NAF1: variants seen among roughly 807,000 people sequenced by gnomAD.
The protein encoded by NAF1 is H/ACA ribonucleoprotein complex non-core subunit NAF1.
In NAF1, 11 loss-of-function variants were observed where a neutral mutation model predicts 40.6. The observed-to-expected ratio is 0.27, with a 90% CI of 0.17 to 0.45. NAF1 has a LOEUF of 0.45. NAF1 is among the 20% of genes least tolerant of loss of function. The probability of loss-of-function intolerance (pLI) is 1.00; values close to 1 mark genes in which losing one functional copy is unlikely to be tolerated. For missense variants in NAF1, 607 were observed against 611.1 expected, an observed-to-expected ratio of 0.99 and a Z score of 0.07; for synonymous variants, 260 against 228.5, an observed-to-expected ratio of 1.14 and a Z score of -1.24.
chr4:163,125,645 T>C (rs1055675385), downstream of NAF1, among the ~76,000 whole-genome samples: 3 of 152,156 alleles, frequency 2.0e-5, no homozygotes, highest in Non-Finnish European at 2.9e-5. Context: ...CTCCATAACA[T>C]AAAAGTGCAA....
At chr4:163,116,480 A>G (rs1730341954) in intron 2 of NAF1, among the ~76,000 whole-genome samples, 1 of 152,194 alleles carries the variant, frequency 6.6e-6, no homozygotes, top group Admixed American at 6.5e-5. Context: ...AGAATTTCTT[A>G]GCACTAATGT....
Position 163,137,192 on chromosome 4 carries a change from T to A in NAF1, c.930+7A>T, listed in dbSNP as rs368341637. On this transcript the variant is annotated splice_region_variant and intron_variant, in intron 6 of 7. Transcript: ENST00000274054. ...ATAAAATGTTGCATAAAAAGACTTATACTTACCTCTGGTGGTGGTTCCTGA... is the reference window on the plus strand; with the variant it reads ...ATAAAATGTTGCATAAAAAGACTTAAACTTACCTCTGGTGGTGGTTCCTGA... 3.1e-6 allele frequency: 5 copies of A among 1,612,334 alleles called. No individual in the cohort carries two copies. Among genetic ancestry groups the A allele is most frequent in the East Asian group, 2.2e-5 (1 of 44,826 alleles).
downstream of NAF1, chr4:163,127,073 G>T (rs1203547269): frequency 6.4e-7 from 1 of 1,551,614 alleles, no homozygotes; most frequent in Non-Finnish European, 8.7e-7. Context: ...TGACTGCAAT[G>T]GTCTGGATCC....
chr4:163,148,319 A>G (rs1731557815), intron 3 of NAF1, 22 bp downstream of exon 3: 1 of 1,429,830 alleles, frequency 7.0e-7, no homozygotes, highest in Non-Finnish European at 9.4e-7. Flanking sequence ...AACAATTTTT[A>G]TTAATAGAAT....
downstream of NAF1, among the ~76,000 whole-genome samples, chr4:163,105,950 G>A (rs1236925345): frequency 6.6e-6 from 1 of 152,048 alleles, no homozygotes; most frequent in Admixed American, 6.6e-5. Flanking sequence ...ATTATATCTT[G>A]AAAAATGTTT....
At chr4:163,112,179 AATG>A (rs1377581084) in intron 2 of NAF1, among the ~76,000 whole-genome samples, 3 of 152,090 alleles carry the variant, frequency 2.0e-5, no homozygotes, top group African/African-American at 4.8e-5. Context: ...AAATGGAAAA[AATG>A]ATTGGGGGGG....
downstream of NAF1, chr4:163,126,864 C>A: frequency 7.1e-7 from 1 of 1,406,154 alleles, no homozygotes. Context: ...GAGTCCAGAC[C>A]TTCCAACAGC....
chr4:163,117,046 G>T (rs953017571), intron 2 of NAF1, among the ~76,000 whole-genome samples: 4 of 152,018 alleles, frequency 2.6e-5, no homozygotes, highest in African/African-American at 9.7e-5. Context: ...TTCCATCCTT[G>T]TACACTCTTC....
At chr4:163,111,513 C>T (rs544709579) in intron 2 of NAF1, among the ~76,000 whole-genome samples, 5 of 152,150 alleles carry the variant, frequency 3.3e-5, no homozygotes, top group South Asian at 4.1e-4. Context: ...TGTCCAGTGG[C>T]GCAAGTTTGG....
At position 163,140,266 on chromosome 4, in the gene NAF1, T is replaced by C. The variant is rs772246735; in HGVS notation, c.835A>G (p.Met279Val). Residue 279 changes from methionine (M) to valine (V), a missense_variant, in exon 5 of 8, where the codon ATG becomes GTG. By Grantham distance (21) the Met-to-Val change is conservative. Around this residue, in one of 3 missense-constraint regions of NAF1, gnomAD observed 407 missense variants for 365.5 expected, o/e 1.11. Transcript: ENST00000274054. ...AATATATATTGAGTGAAATCTTTCA[T>C]TGATGGAGCAAAATACATAGTCTCC... Reference protein sequence around the residue: ...IKETMYFAPSMKDFTQYIFTE... With the variant: ...IKETMYFAPSVKDFTQYIFTE... 4.4e-6 allele frequency: 7 copies of C among 1,606,792 alleles called. No homozygotes were observed. Among genetic ancestry groups the C allele is most frequent in the East Asian group, 2.2e-5 (1 of 44,628 alleles).
intron 2 of NAF1, among the ~76,000 whole-genome samples, chr4:163,116,660 A>G (rs1730347779): frequency 1.3e-5 from 2 of 152,202 alleles, no homozygotes; most frequent in African/African-American, 2.4e-5. Flanking sequence ...CCTGTGTTCC[A>G]CATGATTTCA....
chr4:163,156,947 A>G (rs1732009763), intron 2 of NAF1: 1 of 152,162 alleles, frequency 6.6e-6, no homozygotes, highest in Non-Finnish European at 1.5e-5. Flanking sequence ...AAATCAAAGA[A>G]CAGCAAAAAG....
At position 163,166,619 on chromosome 4, in the gene NAF1, C is replaced by G. The variant is rs1471103530; in HGVS notation, c.109G>C (p.Val37Leu). ...TGTAGCGGCGGCTGTGTCCCTGGCA[C>G]AGGGGCAGAGCCCGGAGACGGAGCC... The part of the protein sequence containing the change: ...PAAPSPGSAP[V>L]PGTQPPLQSF... Residue 37 changes from valine (V) to leucine (L), a missense_variant, in exon 1 of 8, where the codon GTG (valine) becomes CTG (leucine). Coordinates refer to ENST00000274054, the MANE Select transcript of NAF1 (RefSeq NM_138386.3). The G allele has an allele frequency of 6.2e-7, 1 of 1,611,330 alleles. No homozygotes were observed.
At chr4:163,138,152 G>A (rs1731127928) in intron 5 of NAF1, among the ~76,000 whole-genome samples, 1 of 152,004 alleles carries the variant, frequency 6.6e-6, no homozygotes, top group African/African-American at 2.4e-5. Context: ...AGGAATTAAG[G>A]CCATTAAAAT....
At chr4:163,128,130 A>T (rs536029444), downstream of NAF1, among the ~76,000 whole-genome samples, 10 of 152,344 alleles carry the variant, frequency 6.6e-5, no homozygotes, top group South Asian at 2.1e-3. Flanking sequence ...CTTAATTCAG[A>T]TATTCAATAA....
At chr4:163,136,967 A>C (rs768263398) in intron 6 of NAF1, among the ~76,000 whole-genome samples, 27 of 152,228 alleles carry the variant, frequency 1.8e-4, no homozygotes, top group Admixed American at 3.3e-4. Flanking sequence ...ATTAAAATAC[A>C]ACTAAATGTA....
chr4:163,121,666 T>A (rs767879047), intron 2 of NAF1, among the ~76,000 whole-genome samples: 1 of 152,222 alleles, frequency 6.6e-6, no homozygotes, highest in Admixed American at 6.5e-5. Context: ...ATTCTACAAA[T>A]TAGTTTTTAA....
chr4:163,114,800 G>T (rs1247127707), intron 2 of NAF1, among the ~76,000 whole-genome samples: 1 of 152,066 alleles, frequency 6.6e-6, no homozygotes, highest in Admixed American at 6.5e-5. Context: ...TACATATTTT[G>T]TCCTAAAATA....
rs912503945 is a variant in NAF1, at chr4:163,164,377, T to A, written c.380A>T (p.Asp127Val). ...DSDSDSETDS[D>V]SSSSSSSSSS... ...AGAGGAAGACGATGAACTTGAACTA[T>A]CTGAATCTGTTTCACTGTAGGGAAG... Residue 127 changes from aspartate to valine, a missense_variant, in exon 2 of 8, where the codon GAT becomes GTT. Physicochemically the swap from Asp to Val is radical, Grantham distance 152. Coordinates refer to ENST00000274054, the MANE Select transcript of NAF1 (RefSeq NM_138386.3). 1.3e-6 allele frequency: 2 copies of A among 1,572,592 alleles called. No individual in the cohort carries two copies. The highest frequency in any genetic ancestry group is 2.7e-5 in the African/African-American group (2 of 73,230).
Sources: allele counts gnomAD v4.1 joint callset (sites outside exome capture counted in the v4.1 genomes callset), GRCh38; gene constraint gnomAD v4.1.1; regional missense constraint gnomAD v4.1.1; transcripts MANE v1.5; gene names NCBI Gene and HGNC (gene_info 2026-07-23, HGNC 2026-07-21).